SLC24A3: variants seen among roughly 807,000 people sequenced by gnomAD.
SLC24A3 encodes the protein sodium/potassium/calcium exchanger 3.
SLC24A3 carries 28 observed loss-of-function variants against 75.8 expected under a neutral mutation model. The ratio of observed to expected loss-of-function variants is 0.37; its 90% CI spans 0.27 to 0.51. The LOEUF (loss-of-function observed/expected upper bound fraction) is 0.51. Ranked by LOEUF, SLC24A3 falls within the 20% of genes least tolerant of loss-of-function variation. SLC24A3 has a pLI of 0.94. For synonymous variants in SLC24A3, 372 were observed against 334.1 expected, an observed-to-expected ratio of 1.11 and a Z score of -1.24; for missense variants, 663 against 847.8, an observed-to-expected ratio of 0.78 and a Z score of 2.71.
intron 8 of SLC24A3, among the ~76,000 whole-genome samples, chr20:19,666,561 G>T (rs1178884696): frequency 6.6e-6 from 1 of 151,910 alleles, no homozygotes; most frequent in Non-Finnish European, 1.5e-5. Context: ...CCAATCCCAC[G>T]TTTATCTTAG....
chr20:19,235,093 G>A (rs753378973), intron 1 of SLC24A3, among the ~76,000 whole-genome samples: 25 of 152,184 alleles, frequency 1.6e-4, no homozygotes, highest in Non-Finnish European at 3.1e-4. Flanking sequence ...ATCCTCTACT[G>A]TCCTTTAAAG....
rs745745496 is a variant in SLC24A3 at position 19,325,795 on chromosome 20, TAGAGAGAGAGAGAGAG to T, written c.271+44737_271+44752del. On this transcript the variant is annotated intron_variant, in intron 2 of 16. Coordinates refer to ENST00000328041, the MANE Select transcript of SLC24A3 (RefSeq NM_020689.4). ...ATATATACATATATATATATATATA[TAGAGAGAGAGAGAGAG>T]AGAGAGAGAGAGAGAGAGAGAGAGA... Among the ~76,000 whole-genome samples the T allele has an allele frequency of 3.1e-3, 212 of 67,798 alleles. 3 individuals are homozygous for T. The highest frequency in any genetic ancestry group is 0.011 in the African/African-American group (204 of 18,066). 44.5% of individuals were successfully genotyped at this position (67,798 alleles called of 152,430 possible). A position where few individuals can be genotyped will look rare whatever the true frequency, so the allele number is the denominator to read the frequency against.
At chr20:19,287,017 A>G (rs1163147944) in intron 2 of SLC24A3, among the ~76,000 whole-genome samples, 1 of 152,246 alleles carries the variant, frequency 6.6e-6, no homozygotes, top group Non-Finnish European at 1.5e-5. Context: ...CAGATTTGGA[A>G]CTAATGTGAT....
intron 1 of SLC24A3, among the ~76,000 whole-genome samples, chr20:19,260,687 T>C (rs1231182222): frequency 6.6e-6 from 1 of 152,190 alleles, no homozygotes; most frequent in African/African-American, 2.4e-5. Flanking sequence ...CGTGTTTGGT[T>C]TACTGCTTCC....
chr20:19,422,671 A>AG (rs1600474824), intron 2 of SLC24A3, among the ~76,000 whole-genome samples: 1 of 152,214 alleles, frequency 6.6e-6, no homozygotes, highest in African/African-American at 2.4e-5. Flanking sequence ...GAGTCCTGGC[A>AG]GGGGGAGCTT....
chr20:19,495,755 C>T (rs1460842818), intron 2 of SLC24A3, among the ~76,000 whole-genome samples: 2 of 152,152 alleles, frequency 1.3e-5, no homozygotes, highest in African/African-American at 4.8e-5. Context: ...GAAATGGTCA[C>T]AGAAAAGTAC....
At chr20:19,242,685 G>A (rs968041269) in intron 1 of SLC24A3, 1 of 152,192 alleles carries the variant, frequency 6.6e-6, no homozygotes, top group African/African-American at 2.4e-5. Context: ...AAACTGGTAA[G>A]ATGTTATAGA....
chr20:19,457,642 T>C (rs953483333), intron 2 of SLC24A3, among the ~76,000 whole-genome samples: 9 of 152,132 alleles, frequency 5.9e-5, no homozygotes. Flanking sequence ...CTCTGGGCTG[T>C]CTTATGAAGC....
At chr20:19,225,064 G>A (rs1981836678) in intron 1 of SLC24A3, among the ~76,000 whole-genome samples, 1 of 152,146 alleles carries the variant, frequency 6.6e-6, no homozygotes, top group African/African-American at 2.4e-5. Flanking sequence ...TTAGAAGAGA[G>A]TTTGCATTGT....
chr20:19,330,702 G>T (rs936584485), intron 2 of SLC24A3, among the ~76,000 whole-genome samples: 6 of 152,178 alleles, frequency 3.9e-5, no homozygotes, highest in Non-Finnish European at 7.3e-5. Context: ...AGTAAAGATT[G>T]GTCTGATAAA....
intron 2 of SLC24A3, among the ~76,000 whole-genome samples, chr20:19,315,202 C>T (rs1398811232): frequency 6.6e-6 from 1 of 152,192 alleles, no homozygotes; most frequent in African/African-American, 2.4e-5. Context: ...GGTTGGTTTC[C>T]TCTGTGCTGG....
intron 1 of SLC24A3, chr20:19,213,298 C>T (rs1981459060): frequency 1.1e-5 from 2 of 181,886 alleles, no homozygotes; most frequent in Non-Finnish European, 2.3e-5. Context: ...GGGAGTCTTA[C>T]TCTCCATCAG....
At chr20:19,560,084 C>T (rs547203636) in intron 3 of SLC24A3, among the ~76,000 whole-genome samples, 1 of 152,254 alleles carries the variant, frequency 6.6e-6, no homozygotes, top group East Asian at 1.9e-4. Context: ...CCCACTCCAG[C>T]ACAGCCCCAG....
At chr20:19,624,969 A>G (rs2031850545) in intron 6 of SLC24A3, among the ~76,000 whole-genome samples, 1 of 152,178 alleles carries the variant, frequency 6.6e-6, no homozygotes, top group Non-Finnish European at 1.5e-5. Context: ...GGTTCTTATG[A>G]TCTGGGCTGA....
At chr20:19,239,774 T>G (rs1300499526) in intron 1 of SLC24A3, among the ~76,000 whole-genome samples, 2 of 152,212 alleles carry the variant, frequency 1.3e-5, no homozygotes, top group African/African-American at 4.8e-5. Flanking sequence ...TCGATGGCTT[T>G]GCCTTTGAGA....
chr20:19,282,219 T>C (rs979296566), intron 2 of SLC24A3, among the ~76,000 whole-genome samples: 3 of 152,156 alleles, frequency 2.0e-5, no homozygotes, highest in East Asian at 3.9e-4. Flanking sequence ...ATACTTAGAC[T>C]CTTAACAATC....
intron 2 of SLC24A3, among the ~76,000 whole-genome samples, chr20:19,325,458 C>A (rs8126215): frequency 0.053 from 8,038 of 151,222 alleles, 706 homozygotes; most frequent in African/African-American, 0.18. Flanking sequence ...AAAAAATAAA[C>A]AAACCAACAA....
intron 3 of SLC24A3, among the ~76,000 whole-genome samples, chr20:19,534,284 C>A (rs750605344): frequency 6.6e-6 from 1 of 152,224 alleles, no homozygotes; most frequent in Non-Finnish European, 1.5e-5. Context: ...GTGGCCAGTC[C>A]ACTGGCCTCA....
chr20:19,684,983 G>A (rs2032656845), intron 11 of SLC24A3, 117 bp from the exon 12 acceptor site: 3 of 1,329,676 alleles, frequency 2.3e-6, no homozygotes, highest in East Asian at 2.4e-5. Context: ...CTTGACTCCA[G>A]GGTCTTCTGG....
Sources: gnomAD v4.1 joint callset for allele counts (sites outside exome capture counted in the v4.1 genomes callset) on GRCh38, gnomAD v4.1.1 for gene constraint, MANE v1.5 for transcripts, NCBI Gene and HGNC (gene_info 2026-07-23, HGNC 2026-07-21) for gene names.